Variants in MYL3 observed in about 807,000 individuals in gnomAD.
MYL3 encodes myosin light chain 3.
In MYL3, 11 loss-of-function variants were observed where a neutral mutation model predicts 21.3. The ratio of observed to expected loss-of-function variants is 0.52; its 90% CI spans 0.32 to 0.85. MYL3 has a LOEUF of 0.85. MYL3 is among the 40% of genes least tolerant of loss of function. The pLI is 0.03. For synonymous variants in MYL3, 88 were observed against 91.6 expected (o/e 0.96, Z 0.22); for missense variants, 206 against 253.3 (o/e 0.81, Z 1.27).
chr3:46,863,446 G>C, upstream of MYL3: 1 of 1,599,256 alleles, frequency 6.3e-7, no homozygotes, highest in Non-Finnish European at 8.5e-7. Context: ...AAGCAGGGTA[G>C]GTGAGCCGCC....
chr3:46,861,535 C>T lies in MYL3; in HGVS notation c.130-548G>A, dbSNP rs536204099. On this transcript the variant is annotated intron_variant, in intron 1 of 6. Transcript: ENST00000292327. This position sits in a 1 kb window ranked among gnomAD's most constrained non-coding sequence, Gnocchi z 4.2. ...TCTACATACGTCTGCCCTCACAGAG[C>T]CCCCTAAGCCCTAAAGACCAGGCAG... Among the ~76,000 whole-genome samples, 22 of 152,116 alleles carry T rather than the reference C, an allele frequency of 1.4e-4. No homozygotes were observed. Among genetic ancestry groups the T allele is most frequent in the Admixed American group, 1.3e-3 (20 of 15,286 alleles).
chr3:46,875,316 T>C (rs2030152929), intron 1 of MYL3, among the ~76,000 whole-genome samples: 1 of 152,180 alleles, frequency 6.6e-6, no homozygotes, highest in Non-Finnish European at 1.5e-5. Flanking sequence ...GACCTCCTGC[T>C]GAACAGATGA....
rs1353727172 is a variant in MYL3, at chr3:46,860,861, A to G, written c.158-36T>C. 2.5e-5 allele frequency: 40 copies of G among 1,613,914 alleles called. No homozygotes were observed. The highest frequency in any genetic ancestry group is 3.4e-5 in the Non-Finnish European group (40 of 1,179,972). ...AGGGCAGTGAGCCACAGACACTCCC[A>G]GGGTCAGCCTACCCCACTCCCCACA... On this transcript the variant is annotated intron_variant, in intron 2 of 6. Transcript: ENST00000292327. The surrounding 1 kb of genome is among the most constrained non-coding windows in gnomAD (Gnocchi z 4.6).
intron 1 of MYL3, among the ~76,000 whole-genome samples, chr3:46,871,792 C>A (rs190822930): frequency 2.2e-4 from 33 of 152,336 alleles, no homozygotes; most frequent in Non-Finnish European, 3.8e-4. Context: ...GAGCCTCATG[C>A]GGTTTTAGAG....
intron 1 of MYL3, among the ~76,000 whole-genome samples, chr3:46,872,849 A>C (rs1275373202): frequency 6.6e-6 from 1 of 152,204 alleles, no homozygotes; most frequent in Non-Finnish European, 1.5e-5. Context: ...CGTTCCGACA[A>C]TGAGCGTTCC....
upstream of MYL3, among the ~76,000 whole-genome samples, chr3:46,867,749 A>G (rs746582443): frequency 6.6e-6 from 1 of 152,258 alleles, no homozygotes; most frequent in African/African-American, 2.4e-5. Flanking sequence ...GGCCTGGGCC[A>G]GACCCAGAGC....
Position 46,861,039 on chromosome 3 carries a change from A to G in MYL3, c.130-52T>C. ...TGCCCGGCTTAAAAGGTGGGGCCACACCTCCTCCTGGGCACTCGGTGGCCA... is the reference window on the plus strand; with the variant it reads ...TGCCCGGCTTAAAAGGTGGGGCCACGCCTCCTCCTGGGCACTCGGTGGCCA... On this transcript the variant is annotated intron_variant, in intron 1 of 6. Coordinates refer to ENST00000292327, the MANE Select transcript of MYL3 (RefSeq NM_000258.3). This position sits in a 1 kb window ranked among gnomAD's most constrained non-coding sequence, Gnocchi z 4.2. 3 of 1,606,510 alleles carry G rather than the reference A, an allele frequency of 1.9e-6. No individual in the cohort carries two copies. Among genetic ancestry groups the G allele is most frequent in the Non-Finnish European group, 2.6e-6 (3 of 1,174,004 alleles).
chr3:46,861,627 C>A lies in MYL3; in HGVS notation c.130-640G>T, dbSNP rs1701993746. Among the ~76,000 whole-genome samples, 1 of 152,190 alleles carries A rather than the reference C, an allele frequency of 6.6e-6. No homozygotes were observed. Among genetic ancestry groups the A allele is most frequent in the Non-Finnish European group, 1.5e-5 (1 of 68,032 alleles). ...TCCGTAGGTCCCTGGGAAGCTCCCA[C>A]ACCCCAGGACAGCACAGGGCCAGGG... On this transcript the variant is annotated intron_variant, in intron 1 of 6. Transcript: ENST00000292327. This position sits in a 1 kb window ranked among gnomAD's most constrained non-coding sequence, Gnocchi z 4.2.
In MYL3 at chr3:46,861,602, TCC is replaced by T. The variant is rs1476465315; in HGVS notation, c.130-617_130-616del. Among the ~76,000 whole-genome samples, 2 of 152,050 alleles carry T rather than the reference TCC, an allele frequency of 1.3e-5. No individual in the cohort carries two copies. The highest frequency in any genetic ancestry group is 2.4e-5 in the African/African-American group (1 of 41,380). ...CTATACCTATTTCTCACACACCCTGTCCGTAGGTCCCTGGGAAGCTCCCACAC... is the reference window on the plus strand; with the variant it reads ...CTATACCTATTTCTCACACACCCTGTGTAGGTCCCTGGGAAGCTCCCACAC... On this transcript the variant is annotated intron_variant, in intron 1 of 6. Coordinates refer to ENST00000292327, the MANE Select transcript of MYL3 (RefSeq NM_000258.3). This position sits in a 1 kb window ranked among gnomAD's most constrained non-coding sequence, Gnocchi z 4.2.
chr3:46,858,213 G>T lies in MYL3; in HGVS notation c.*13+18C>A. 1 of 1,614,056 alleles carries T rather than the reference G, an allele frequency of 6.2e-7. No homozygotes were observed. Among genetic ancestry groups the T allele is most frequent in the South Asian group, 1.1e-5 (1 of 91,080 alleles). On this transcript the variant is annotated intron_variant, in intron 6 of 6. Transcript: ENST00000292327. ...GGGCAGGTGGCAGCAGCGGGTTCAG[G>T]AGGGAGTGGGTGCCTACCTGGGCAC...
chr3:46,867,111 G>T (rs560307455), upstream of MYL3, among the ~76,000 whole-genome samples: 3 of 151,944 alleles, frequency 2.0e-5, no homozygotes, highest in African/African-American at 7.2e-5. Context: ...CCCCACTGTG[G>T]AGACCTAGAC....
rs1003633270 is a variant in MYL3, at chr3:46,859,702, C to T, written c.308-54G>A. ...GTCTAAGGCTGGGGTGGGCACACCC[C>T]TCCCCCATGCCTGATAATGAGGAGC... On this transcript the variant is annotated intron_variant, in intron 3 of 6. Coordinates refer to ENST00000292327, the MANE Select transcript of MYL3 (RefSeq NM_000258.3). The surrounding 1 kb of genome is among the most constrained non-coding windows in gnomAD (Gnocchi z 4.1). 3.1e-6 allele frequency: 5 copies of T among 1,596,186 alleles called. No homozygotes were observed. Among genetic ancestry groups the T allele is most frequent in the Non-Finnish European group, 4.3e-6 (5 of 1,164,082 alleles).
At chr3:46,867,666 G>A (rs563905004), upstream of MYL3, among the ~76,000 whole-genome samples, 2 of 152,340 alleles carry the variant, frequency 1.3e-5, no homozygotes, top group South Asian at 2.1e-4. Context: ...CTGGCCTGCC[G>A]GTCCCGCCCC....
At chr3:46,865,307 T>C (rs1702037640), upstream of MYL3, among the ~76,000 whole-genome samples, 1 of 149,374 alleles carries the variant, frequency 6.7e-6, no homozygotes, top group Admixed American at 6.7e-5. The surrounding 1 kb of genome is among the most constrained non-coding windows in gnomAD (Gnocchi z 4.3). Context: ...TTCTTCCAAA[T>C]GTTTGGCAAC....
At chr3:46,870,568 C>T (rs1362031772) in intron 1 of MYL3, among the ~76,000 whole-genome samples, 2 of 151,978 alleles carry the variant, frequency 1.3e-5, no homozygotes, top group African/African-American at 4.8e-5. Flanking sequence ...TCCTCTGTGG[C>T]CCAGGGTGTG....
At position 46,874,816 on chromosome 3, in the gene MYL3, G is replaced by A. The variant is rs889561195; in HGVS notation, c.-218+7258C>T. On this transcript the variant is annotated intron_variant, in intron 1 of 3. Coordinates refer to the MYL3 transcript ENST00000431168. This position sits in a 1 kb window ranked among gnomAD's most constrained non-coding sequence, Gnocchi z 4.1. ...GGAAATCACACTCTACCCAGAAGGC[G>A]TCTGGGAAACAGGACCCGCTTTGGA... 3.3e-5 allele frequency among the ~76,000 whole-genome samples: 5 copies of A among 152,284 alleles called. No individual in the cohort carries two copies. The highest frequency in any genetic ancestry group is 1.9e-4 in the East Asian group (1 of 5,174).
rs1025864971 is a variant in MYL3, at chr3:46,863,365, T to C, written c.26A>G (p.Lys9Arg). 3 of 1,613,662 alleles carry C rather than the reference T, an allele frequency of 1.9e-6. No homozygotes were observed. Among genetic ancestry groups the C allele is most frequent in the Middle Eastern group, 3.3e-4 (2 of 6,084 alleles). ...GGGGGCTGCCTTGGCATCATCCTTCTTGGGCTCTGGCTTTTTGGGGGCCAT... is the reference window on the plus strand; with the variant it reads ...GGGGGCTGCCTTGGCATCATCCTTCCTGGGCTCTGGCTTTTTGGGGGCCAT... MAPKKPEPKKDDAKAAPKA... is the reference protein window; with the variant it reads MAPKKPEPRKDDAKAAPKA... Residue 9 changes from lysine to arginine, a missense_variant, in exon 1 of 7, where the codon AAG becomes AGG. Physicochemically the swap from Lys to Arg is conservative, Grantham distance 26 (BLOSUM62 2). Coordinates refer to ENST00000292327, the MANE Select transcript of MYL3 (RefSeq NM_000258.3).
intron 1 of MYL3, among the ~76,000 whole-genome samples, chr3:46,871,755 T>A (rs2029922266): frequency 6.6e-6 from 1 of 152,238 alleles, no homozygotes; most frequent in Non-Finnish European, 1.5e-5. Context: ...CTCTGCAGCA[T>A]CTGGCCTTGG....
intron 6 of MYL3, 59 bp from the exon 7 acceptor site, chr3:46,858,160 C>A: frequency 1.3e-6 from 2 of 1,532,026 alleles, no homozygotes; most frequent in South Asian, 2.2e-5. Flanking sequence ...AGCAGGATGT[C>A]AAGTGAGCAC....
Sources: allele counts gnomAD v4.1 joint callset (sites outside exome capture counted in the v4.1 genomes callset), GRCh38; gene constraint gnomAD v4.1.1; non-coding constraint Gnocchi (gnomAD v3.1); transcripts MANE v1.5; gene names NCBI Gene and HGNC (gene_info 2026-07-23, HGNC 2026-07-21).